Variants in SYNE2 observed in about 807,000 individuals in gnomAD.
The protein encoded by SYNE2 is spectrin repeat containing nuclear envelope protein 2.
SYNE2 carries 431 observed loss-of-function variants against 856.3 expected under a neutral mutation model. That is an observed-to-expected ratio of 0.50 (90% confidence interval 0.47 to 0.55). SYNE2 has a LOEUF of 0.55. SYNE2 is among the 20% of genes least tolerant of loss of function. The pLI, the probability that SYNE2 is intolerant of heterozygous loss-of-function variation, is 0.00. For missense variants in SYNE2, 8,129 were observed against 8,023.2 expected (o/e 1.01, Z -0.50); for synonymous variants, 2,923 against 2,872.3 (o/e 1.02, Z -0.56).
At chr14:63,869,636 C>CAAAAAA (rs35258750) in intron 1 of SYNE2, among the ~76,000 whole-genome samples, 15 of 77,400 alleles carry the variant, frequency 1.9e-4, no homozygotes, top group African/African-American at 3.1e-4. Context: ...AACTTTGTCT[C>CAAAAAA]AAAAAAAAAA....
chr14:64,208,169 G>A, intron 100 of SYNE2: 1 of 455,994 alleles, frequency 2.2e-6, no homozygotes, highest in Middle Eastern at 3.3e-4. Flanking sequence ...GCTTTGGCTG[G>A]ACTTTATCAG....
chr14:63,819,816 G>A (rs1183982233), intron 1 of SYNE2, among the ~76,000 whole-genome samples: 11 of 194 alleles, frequency 0.057, no homozygotes, highest in East Asian at 0.33. Context: ...GATTACAGGC[G>A]TGAGCACCGC....
At chr14:64,142,171 A>G in intron 82 of SYNE2, 83 bp downstream of exon 82, 2 of 1,524,504 alleles carry the variant, frequency 1.3e-6, no homozygotes, top group Non-Finnish European at 1.8e-6. Flanking sequence ...AGGGACACAT[A>G]GGATATAATT....
chr14:64,105,280 TTTGA>T (rs1339879773), intron 64 of SYNE2, among the ~76,000 whole-genome samples: 2 of 152,092 alleles, frequency 1.3e-5, no homozygotes, highest in African/African-American at 4.8e-5. Flanking sequence ...CTTCATGGAG[TTTGA>T]TTATCTACTG....
intron 1 of SYNE2, among the ~76,000 whole-genome samples, chr14:63,781,236 C>T (rs1025194241): frequency 2.0e-5 from 3 of 151,168 alleles, no homozygotes; most frequent in Non-Finnish European, 2.9e-5. Flanking sequence ...CGAGATCGCG[C>T]CATTGTACTC....
chr14:64,030,645 C>T (rs934264326), intron 44 of SYNE2, among the ~76,000 whole-genome samples: 16 of 152,308 alleles, frequency 1.1e-4, no homozygotes, highest in Middle Eastern at 3.4e-3. Flanking sequence ...TCATTGGGTA[C>T]ATTCTAAATG....
At chr14:64,091,761 G>A (rs566452100) in intron 60 of SYNE2, among the ~76,000 whole-genome samples, 3 of 152,268 alleles carry the variant, frequency 2.0e-5, no homozygotes, top group South Asian at 4.1e-4. Context: ...ACTCCCACAA[G>A]AACAGAAAGT....
intron 1 of SYNE2, among the ~76,000 whole-genome samples, chr14:63,764,632 G>T (rs1886608804): frequency 6.6e-6 from 1 of 150,658 alleles, no homozygotes; most frequent in South Asian, 2.1e-4. Context: ...TGTTACATAG[G>T]TATACATGTG....
At chr14:63,979,307 T>A (rs1286010675) in intron 14 of SYNE2, among the ~76,000 whole-genome samples, 1 of 152,224 alleles carries the variant, frequency 6.6e-6, no homozygotes, top group Non-Finnish European at 1.5e-5. Context: ...TCATTAAAAA[T>A]TCCGCTTTCA....
rs1338157833 is a variant in SYNE2 at position 64,038,784 on chromosome 14, A to G, written c.7221+7427A>G. On this transcript the variant is annotated intron_variant, in intron 45 of 115. Coordinates refer to ENST00000555002, the MANE Select transcript of SYNE2 (RefSeq NM_182914.3). ...GGCAGGGAGGTTGCAGTGAGCCCAG[A>G]TGGCAGCAGTACAGTCCAGCTTCGG... Among the ~76,000 whole-genome samples, 3 of 152,340 alleles carry G rather than the reference A, an allele frequency of 2.0e-5. No homozygotes were observed. In the East Asian group the frequency reaches 5.8e-4, roughly 29 times the overall value.
chr14:64,135,720 A>AC (rs1489215060), intron 78 of SYNE2, among the ~76,000 whole-genome samples: 1 of 152,256 alleles, frequency 6.6e-6, no homozygotes, highest in African/African-American at 2.4e-5. Flanking sequence ...AATATTAAAA[A>AC]GAAAAAAATT....
intron 99 of SYNE2, chr14:64,190,545 CTG>C (rs2098513202): frequency 4.4e-6 from 3 of 685,516 alleles, no homozygotes; most frequent in Non-Finnish European, 7.9e-6. Flanking sequence ...AATTCTGCCT[CTG>C]TGTTAGCATT....
chr14:63,788,099 A>G (rs1257641049), intron 1 of SYNE2, among the ~76,000 whole-genome samples: 1 of 152,218 alleles, frequency 6.6e-6, no homozygotes, highest in Non-Finnish European at 1.5e-5. Context: ...GCACTGCCGC[A>G]AGCTTGAGCA....
At chr14:64,014,974 T>TATACACACACACAC (rs1434593932) in intron 32 of SYNE2, among the ~76,000 whole-genome samples, 1 of 84,896 alleles carries the variant, frequency 1.2e-5, no homozygotes, top group African/African-American at 4.2e-5. Flanking sequence ...TATATATATA[T>TATACACACACACAC]ACACACACAC....
chr14:63,849,314 G>A (rs1376150241), upstream of SYNE2, among the ~76,000 whole-genome samples: 2 of 140,054 alleles, frequency 1.4e-5, no homozygotes, highest in Non-Finnish European at 3.0e-5. Flanking sequence ...ATAGGAATAA[G>A]TAATGAGATG....
rs139481016 is a variant in SYNE2, at chr14:63,793,498, G to A, written c.-305+31512G>A. 1.7e-4 allele frequency among the ~76,000 whole-genome samples: 26 copies of A among 152,252 alleles called. No individual in the cohort carries two copies. In the East Asian group the frequency reaches 3.5e-3, roughly 20 times the overall value. The stretch of plus-strand genomic sequence containing the variant: ...ATTTTCATTTTACTTCTTGAAAGTC[G>A]AGTTAGCTCTTGAAAAGTTGTCAAG... On this transcript the variant is annotated intron_variant, in intron 1 of 23. Transcript: ENST00000674003.
chr14:64,150,541 A>G lies in SYNE2; in HGVS notation c.15640-2023A>G, dbSNP rs138597542. Among the ~76,000 whole-genome samples the G allele has an allele frequency of 7.3e-3, 1,021 of 139,098 alleles. 12 individuals carry two copies. Among genetic ancestry groups the G allele is most frequent in the South Asian group, 0.014 (65 of 4,496 alleles). 91.3% of individuals were successfully genotyped at this position (139,098 alleles called of 152,430 possible). A position where few individuals can be genotyped will look rare whatever the true frequency, so the allele number is the denominator to read the frequency against. ...CGGCATGGCTGTTGTTTATGCTGCC[A>G]TTTTTGAAGGGTGTGTGTGTGTGTG... On this transcript the variant is annotated intron_variant, in intron 84 of 115. Coordinates refer to ENST00000555002, the MANE Select transcript of SYNE2 (RefSeq NM_182914.3).
intron 19 of SYNE2, among the ~76,000 whole-genome samples, chr14:63,990,025 A>G (rs1193122189): frequency 6.6e-6 from 1 of 152,142 alleles, no homozygotes; most frequent in Non-Finnish European, 1.5e-5. Context: ...TATTTTTGTT[A>G]TGATATATAA....
At chr14:64,192,258 TG>T in intron 99 of SYNE2, among the ~76,000 whole-genome samples, 1 of 152,192 alleles carries the variant, frequency 6.6e-6, no homozygotes, top group Non-Finnish European at 1.5e-5. Context: ...TGGGATAAAT[TG>T]TGTCTTTGTG....
Sources: allele counts gnomAD v4.1 joint callset (sites outside exome capture counted in the v4.1 genomes callset), GRCh38; gene constraint gnomAD v4.1.1; transcripts MANE v1.5; gene names NCBI Gene and HGNC (gene_info 2026-07-23, HGNC 2026-07-21).